PHF14: variants seen among roughly 807,000 people sequenced by gnomAD.
PHF14 encodes the protein PHD finger protein 14.
PHF14 carries 55 observed loss-of-function variants against 117.9 expected under a neutral mutation model. That is an observed-to-expected ratio of 0.47 (90% CI 0.38 to 0.58). The LOEUF is 0.58. PHF14 is among the 20% of genes least tolerant of loss of function. The pLI, the probability that PHF14 is intolerant of heterozygous loss-of-function variation, is 0.00. For synonymous variants in PHF14, 409 were observed against 368.6 expected, an observed-to-expected ratio of 1.11 and a Z score of -1.26; for missense variants, 978 against 1,122.2, an observed-to-expected ratio of 0.87 and a Z score of 1.84.
chr7:11,131,551 T>C (rs547059801), intron 17 of PHF14, among the ~76,000 whole-genome samples: 4 of 151,936 alleles, frequency 2.6e-5, no homozygotes, highest in African/African-American at 4.8e-5. Flanking sequence ...ATGCCAGTCC[T>C]TTATCAGATA....
intron 6 of PHF14, among the ~76,000 whole-genome samples, chr7:11,024,851 A>G (rs980455546): frequency 3.3e-5 from 5 of 152,248 alleles, no homozygotes; most frequent in Non-Finnish European, 5.9e-5. Context: ...TCTGAAGCCC[A>G]TGGATCAAGG....
At chr7:11,137,747 G>A (rs975402556) in intron 17 of PHF14, among the ~76,000 whole-genome samples, 1 of 151,620 alleles carries the variant, frequency 6.6e-6, no homozygotes, top group Admixed American at 6.6e-5. Context: ...CACCACGCCT[G>A]GCTAATTTTT....
intron 13 of PHF14, among the ~76,000 whole-genome samples, chr7:11,044,080 G>A (rs999912889): frequency 2.6e-5 from 4 of 151,974 alleles, no homozygotes; most frequent in African/African-American, 9.7e-5. Context: ...AATTAACCCA[G>A]GAAAAGAAAA....
chr7:11,154,541 A>G (rs1394138470), intron 17 of PHF14, among the ~76,000 whole-genome samples: 3 of 152,192 alleles, frequency 2.0e-5, no homozygotes, highest in Non-Finnish European at 1.5e-5. Flanking sequence ...AGTCTTCTAA[A>G]TAATAGTCCT....
At chr7:11,033,940 A>G (rs1370390282) in intron 7 of PHF14, among the ~76,000 whole-genome samples, 1 of 152,204 alleles carries the variant, frequency 6.6e-6, no homozygotes, top group Non-Finnish European at 1.5e-5. Context: ...AAGTAATTGT[A>G]AGTAAACCCT....
chr7:11,002,625 T>C (rs903648860), intron 4 of PHF14, among the ~76,000 whole-genome samples: 5 of 151,960 alleles, frequency 3.3e-5, no homozygotes, highest in African/African-American at 1.2e-4. Context: ...GTATTTTTAT[T>C]AGAGACGGGA....
chr7:11,070,327 C>G (rs1041876488), intron 16 of PHF14, among the ~76,000 whole-genome samples: 1 of 152,118 alleles, frequency 6.6e-6, no homozygotes, highest in African/African-American at 2.4e-5. Context: ...ATCCTCTATC[C>G]TCAGCCTCCC....
intron 4 of PHF14, among the ~76,000 whole-genome samples, chr7:10,998,972 A>G (rs1782761364): frequency 6.6e-6 from 1 of 152,304 alleles, no homozygotes; most frequent in East Asian, 1.9e-4. Flanking sequence ...GGTTGCTAAC[A>G]TTTAGACATT....
intron 17 of PHF14, among the ~76,000 whole-genome samples, chr7:11,151,344 C>G (rs982178460): frequency 6.6e-6 from 1 of 152,012 alleles, no homozygotes; most frequent in African/African-American, 2.4e-5. Context: ...TCGCTTGAGG[C>G]CAGGAGTTTG....
chr7:11,116,395 A>G (rs1010765072), intron 17 of PHF14, among the ~76,000 whole-genome samples: 15 of 152,092 alleles, frequency 9.9e-5, no homozygotes, highest in African/African-American at 3.4e-4. Flanking sequence ...CTCAGTAGAA[A>G]AAGCCAAGGA....
In PHF14 at chr7:11,135,519, T is replaced by G. The variant is rs182365067; in HGVS notation, c.2772+24052T>G. Among the ~76,000 whole-genome samples the G allele has an allele frequency of 6.4e-4, 98 of 152,288 alleles. 1 individual carries two copies. The highest frequency in any genetic ancestry group is 7.4e-5 in the Non-Finnish European group (5 of 67,974). ...TTTTGATACTATGCTGGCTGAACTA[T>G]AATTTTTGGAAATGCTCTTTATTTT... On this transcript the variant is annotated intron_variant, in intron 17 of 17. Transcript: ENST00000634607.
intron 16 of PHF14, chr7:11,105,820 G>A (rs749878976): frequency 5.9e-5 from 58 of 984,300 alleles, no homozygotes; most frequent in Non-Finnish European, 6.9e-5. Flanking sequence ...CACATGCTGG[G>A]CTTTGTAAAT....
intron 16 of PHF14, among the ~76,000 whole-genome samples, chr7:11,071,729 T>G (rs922690507): frequency 2.0e-5 from 3 of 152,220 alleles, no homozygotes; most frequent in African/African-American, 7.2e-5. Flanking sequence ...TGTCACTGGT[T>G]TCTCATAGCC....
At chr7:11,000,371 G>A (rs1782821813) in intron 4 of PHF14, among the ~76,000 whole-genome samples, 1 of 103,258 alleles carries the variant, frequency 9.7e-6, no homozygotes, top group African/African-American at 3.9e-5. Flanking sequence ...ATGGAGTCTT[G>A]CTCTGTTGTT....
At chr7:11,080,685 C>T (rs1020250724) in intron 16 of PHF14, among the ~76,000 whole-genome samples, 3 of 152,074 alleles carry the variant, frequency 2.0e-5, no homozygotes, top group African/African-American at 7.2e-5. Flanking sequence ...TTTTCTAGAT[C>T]AAAAGTACTA....
chr7:10,982,858 T>G lies in PHF14; in HGVS notation c.599T>G (p.Leu200Arg). The change falls in exon 3 of 18, where the codon CTG (leucine) becomes CGG (arginine). Residue 200 changes from leucine (L) to arginine (R), a missense_variant. Physicochemically the swap from Leu to Arg is moderately radical, Grantham distance 102. Around this residue, in one of 7 missense-constraint regions of PHF14, gnomAD observed 414 missense variants for 376.4 expected, o/e 1.10. Coordinates refer to ENST00000634607, the MANE Select transcript of PHF14 (RefSeq NM_001007157.2). The stretch of plus-strand genomic sequence containing the variant: ...CTGGATTTTGTGTCCATGGAAGAGC[T>G]GAATGACATGGATGACTATGACAGT... Reference protein sequence around the residue: ...PLLDFVSMEELNDMDDYDSED... With the variant: ...PLLDFVSMEERNDMDDYDSED... The G allele has an allele frequency of 2.5e-6, 4 of 1,613,762 alleles. No individual in the cohort carries two copies. The highest frequency in any genetic ancestry group is 3.4e-6 in the Non-Finnish European group (4 of 1,179,768).
chr7:10,980,142 A>G (rs1231569978), intron 2 of PHF14, among the ~76,000 whole-genome samples: 4 of 152,124 alleles, frequency 2.6e-5, no homozygotes, highest in Non-Finnish European at 5.9e-5. Context: ...AAGTAATAGC[A>G]AAGTTGGATT....
At chr7:11,013,286 C>T (rs1475199690) in intron 4 of PHF14, among the ~76,000 whole-genome samples, 2 of 152,022 alleles carry the variant, frequency 1.3e-5, no homozygotes, top group South Asian at 2.1e-4. Context: ...CTCGGCTTCT[C>T]GAGTAGCTGG....
rs1788060992 is a variant in PHF14 at position 11,130,362 on chromosome 7, G to C, written c.2772+18895G>C. 1.3e-5 allele frequency among the ~76,000 whole-genome samples: 2 copies of C among 151,958 alleles called. No individual in the cohort carries two copies. Among genetic ancestry groups the C allele is most frequent in the Non-Finnish European group, 2.9e-5 (2 of 67,910 alleles). ...TCCAGGATTCAAGGAAATCCTTGGA[G>C]AGAGAGAGAACGTATATACAATTTA... On this transcript the variant is annotated intron_variant, in intron 17 of 17. Coordinates refer to ENST00000634607, the MANE Select transcript of PHF14 (RefSeq NM_001007157.2). This position sits in a 1 kb window ranked among gnomAD's most constrained non-coding sequence, Gnocchi z 4.2.
Sources: gnomAD v4.1 joint callset for allele counts (sites outside exome capture counted in the v4.1 genomes callset) on GRCh38, gnomAD v4.1.1 for gene constraint, gnomAD v4.1.1 regional missense constraint, Gnocchi (gnomAD v3.1) non-coding constraint, MANE v1.5 for transcripts, NCBI Gene and HGNC (gene_info 2026-07-23, HGNC 2026-07-21) for gene names.